Variants in SOS1 observed in about 807,000 individuals in gnomAD.
SOS1 encodes son of sevenless homolog 1.
A neutral mutation model predicts 157.6 loss-of-function variants in SOS1; 25 were observed. The observed-to-expected ratio is 0.16, with a 90% CI of 0.12 to 0.22. The LOEUF is 0.22. Among genes scored for constraint, SOS1 ranks in the 10% least tolerant of loss-of-function variants. The pLI is 1.00. For missense variants in SOS1, 1,237 were observed against 1,599.1 expected (o/e 0.77, Z 3.86); for synonymous variants, 528 against 534.0 (o/e 0.99, Z 0.16).
At chr2:39,045,500 T>C (rs866392537) in intron 6 of SOS1, among the ~76,000 whole-genome samples, 1 of 152,190 alleles carries the variant, frequency 6.6e-6, no homozygotes, top group African/African-American at 2.4e-5. Flanking sequence ...ATCTTCATGA[T>C]AGTATCCCTT....
intron 8 of SOS1, among the ~76,000 whole-genome samples, chr2:39,030,541 G>A (rs1226542715): frequency 6.6e-6 from 1 of 152,188 alleles, no homozygotes; most frequent in Non-Finnish European, 1.5e-5. Context: ...CTGCGCTCCA[G>A]CCTGGGTGAC....
chr2:39,020,882 G>A (rs1216123095), intron 10 of SOS1, among the ~76,000 whole-genome samples: 4 of 119,070 alleles, frequency 3.4e-5, no homozygotes, highest in Non-Finnish European at 7.7e-5. Flanking sequence ...AGCTTCAAAA[G>A]AAGACAGAAA....
At chr2:39,074,248 G>A (rs1182049663) in intron 1 of SOS1, among the ~76,000 whole-genome samples, 10 of 151,956 alleles carry the variant, frequency 6.6e-5, no homozygotes, top group African/African-American at 2.2e-4. Context: ...TACTGGGGAG[G>A]CTGAGACAGG....
chr2:39,080,516 T>C (rs1220834825), intron 1 of SOS1, among the ~76,000 whole-genome samples: 2 of 152,224 alleles, frequency 1.3e-5, no homozygotes, highest in Admixed American at 1.3e-4. Context: ...CTCTTTTCAA[T>C]GTATATTTCA....
At chr2:39,084,467 A>G (rs1052616752) in intron 1 of SOS1, among the ~76,000 whole-genome samples, 10 of 152,132 alleles carry the variant, frequency 6.6e-5, no homozygotes, top group Admixed American at 4.6e-4. Context: ...TGTTGTCAAC[A>G]TGGGTTATAA....
Position 39,022,730 on chromosome 2 carries a change from C to G in SOS1, c.1698G>C (p.Gln566His), listed in dbSNP as rs1313575751. 5.0e-6 allele frequency: 8 copies of G among 1,613,828 alleles called. No homozygotes were observed. The highest frequency in any genetic ancestry group is 6.8e-6 in the Non-Finnish European group (8 of 1,179,756). The change falls in exon 10 of 23, where the codon CAG (glutamine) becomes CAC (histidine). Residue 566 changes from glutamine to histidine, a missense_variant. Around this residue, in one of 15 missense-constraint regions of SOS1, gnomAD observed 210 missense variants for 220.2 expected, o/e 0.95. Transcript: ENST00000402219. ...AAACATCAGCACTAGGCAGCCTCATCTGCTCCTCTTTCTCTTCCTGTAGCA... is the reference window on the plus strand; with the variant it reads ...AAACATCAGCACTAGGCAGCCTCATGTGCTCCTCTTTCTCTTCCTGTAGCA... ...VTMLQEEKEE[Q>H]MRLPSADVYR...
chr2:38,985,781 T>C lies in SOS1; in HGVS notation c.*43A>G. ...CATTCAGTGCATCCATTGCCAGCAATGGATTTGGGGCTAGGAAAATATACA... is the reference window on the plus strand; with the variant it reads ...CATTCAGTGCATCCATTGCCAGCAACGGATTTGGGGCTAGGAAAATATACA... On this transcript the variant is annotated 3_prime_UTR_variant, in exon 23 of 23. Coordinates refer to ENST00000402219, the MANE Select transcript of SOS1 (RefSeq NM_005633.4). 2 of 1,537,740 alleles carry C rather than the reference T, an allele frequency of 1.3e-6. No individual in the cohort carries two copies. Among genetic ancestry groups the C allele is most frequent in the Non-Finnish European group, 1.8e-6 (2 of 1,133,572 alleles).
At chr2:39,104,812 C>T (rs1269391809) in intron 1 of SOS1, among the ~76,000 whole-genome samples, 1 of 152,066 alleles carries the variant, frequency 6.6e-6, no homozygotes, top group Non-Finnish European at 1.5e-5. Flanking sequence ...TAGTCAGACA[C>T]AAAAATACAA....
Position 39,074,386 on chromosome 2 carries a change from G to A in SOS1, c.88-6633C>T, listed in dbSNP as rs147671174. Among the ~76,000 whole-genome samples, 322 of 150,096 alleles carry A rather than the reference G, an allele frequency of 2.1e-3. 1 individual carries two copies. Among genetic ancestry groups the A allele is most frequent in the African/African-American group, 7.3e-3 (298 of 40,934 alleles). ...AAAAAAAAAAAAATAGACCAGCCTG[G>A]CCAACATGGCAAAACCCCATCTCTA... On this transcript the variant is annotated intron_variant, in intron 1 of 22. Coordinates refer to ENST00000402219, the MANE Select transcript of SOS1 (RefSeq NM_005633.4).
At chr2:39,048,394 T>A (rs919393349) in intron 6 of SOS1, among the ~76,000 whole-genome samples, 1 of 152,102 alleles carries the variant, frequency 6.6e-6, no homozygotes, top group Non-Finnish European at 1.5e-5. Context: ...TAACAGCTTT[T>A]AAGATTTTCT....
At chr2:39,066,368 T>C (rs1360904302) in intron 2 of SOS1, among the ~76,000 whole-genome samples, 3 of 152,220 alleles carry the variant, frequency 2.0e-5, no homozygotes, top group African/African-American at 7.2e-5. Flanking sequence ...ACCCAAAGAT[T>C]TGAAGTACTG....
intron 1 of SOS1, among the ~76,000 whole-genome samples, chr2:39,096,736 A>T (rs1672777898): frequency 6.6e-6 from 1 of 152,108 alleles, no homozygotes; most frequent in Non-Finnish European, 1.5e-5. Context: ...ATACAAAAAA[A>T]TTAGCCGGAT....
chr2:38,987,344 T>G, intron 22 of SOS1, 129 bp downstream of exon 22: 1 of 684,822 alleles, frequency 1.5e-6, no homozygotes, highest in Non-Finnish European at 2.7e-6. Context: ...TATGTAATCC[T>G]TGTTTAAACT....
At chr2:39,078,295 G>C (rs1672083770) in intron 1 of SOS1, among the ~76,000 whole-genome samples, 1 of 152,036 alleles carries the variant, frequency 6.6e-6, no homozygotes, top group African/African-American at 2.4e-5. Context: ...TAAAATCTAA[G>C]AATATCAAGT....
intron 15 of SOS1, among the ~76,000 whole-genome samples, chr2:39,009,976 C>A (rs918518083): frequency 4.6e-5 from 7 of 151,906 alleles, no homozygotes; most frequent in African/African-American, 1.7e-4. Flanking sequence ...ACACTCAATG[C>A]AAAAGAAAGG....
In SOS1 at chr2:38,985,829, A is replaced by G. The variant is rs889768265; in HGVS notation, c.3997T>C (p.Ser1333Pro). Residue 1333 changes from serine (S) to proline (P), a missense_variant, in exon 23 of 23, where the codon TCC becomes CCC. By Grantham distance (74) the Ser-to-Pro change is moderately conservative (BLOSUM62 -1). Around this residue, in one of 15 missense-constraint regions of SOS1, gnomAD observed 306 missense variants for 322.6 expected, o/e 0.95. Transcript: ENST00000402219. ...GPPLLENAHS[S>P] ...ACATCCCAGTACAGAGGAACTCAGG[A>G]AGAATGGGCATTCTCCAACAGTGGT... 6.2e-7 allele frequency: 1 copy of G among 1,613,576 alleles called. No homozygotes were observed. Among genetic ancestry groups the G allele is most frequent in the East Asian group, 2.2e-5 (1 of 44,876 alleles).
chr2:38,991,086 C>G (rs1027973664), intron 20 of SOS1, among the ~76,000 whole-genome samples: 19 of 152,056 alleles, frequency 1.2e-4, no homozygotes, highest in Non-Finnish European at 1.8e-4. Flanking sequence ...CAATGCCAGT[C>G]TAGTGTGGGC....
chr2:39,104,942 T>C (rs1233229274), intron 1 of SOS1, among the ~76,000 whole-genome samples: 3 of 152,226 alleles, frequency 2.0e-5, no homozygotes, highest in Admixed American at 2.0e-4. Context: ...TTGCACAACA[T>C]TGTGAATGTA....
Position 39,010,708 on chromosome 2 carries a change from AATC to A in SOS1, c.2391-8_2391-6del, listed in dbSNP as rs1558468009. Reference sequence around the variant, plus strand: ...AATTCTGATGGCTGTACAGCTCTAAAATCATCAATACATAATTCTACATGACAC... The same window carrying A: ...AATTCTGATGGCTGTACAGCTCTAAAATCAATACATAATTCTACATGACAC... On this transcript the variant is annotated splice_polypyrimidine_tract_variant and splice_region_variant and intron_variant, in intron 14 of 22. Transcript: ENST00000402219. 3 of 1,602,834 alleles carry A rather than the reference AATC, an allele frequency of 1.9e-6. No homozygotes were observed. The highest frequency in any genetic ancestry group is 1.3e-5 in the African/African-American group (1 of 74,782).
Sources: gnomAD v4.1 joint callset for allele counts (sites outside exome capture counted in the v4.1 genomes callset) on GRCh38, gnomAD v4.1.1 for gene constraint, gnomAD v4.1.1 regional missense constraint, MANE v1.5 for transcripts, NCBI Gene and HGNC (gene_info 2026-07-23, HGNC 2026-07-21) for gene names.